Variants in MBD5 observed in about 807,000 individuals in gnomAD.
MBD5 encodes the protein methyl-CpG binding domain protein 5.
Under a neutral mutation model 117.3 loss-of-function variants are expected in MBD5, and 13 were observed. The ratio of observed to expected loss-of-function variants is 0.11; its 90% CI spans 0.07 to 0.18. The LOEUF is 0.18. Among genes scored for constraint, MBD5 ranks in the 10% least tolerant of loss-of-function variants. The probability of loss-of-function intolerance (pLI) is 1.00; values close to 1 mark genes in which losing one functional copy is unlikely to be tolerated. For missense variants in MBD5, 1,879 were observed against 2,093.8 expected (o/e 0.90, Z 2.00); for synonymous variants, 727 against 766.4 (o/e 0.95, Z 0.85).
rs1031964591 is a variant in MBD5, at chr2:148,065,097, C to T, written c.-925+43413C>T. Among the ~76,000 whole-genome samples, 4 of 152,064 alleles carry T rather than the reference C, an allele frequency of 2.6e-5. No individual in the cohort carries two copies. The East Asian group carries it at 7.7e-4, about 29-fold the overall frequency. On this transcript the variant is annotated intron_variant, in intron 1 of 13. Transcript: ENST00000642680. The stretch of plus-strand genomic sequence containing the variant: ...CCGGAGATAATAAATTTAGAATTAC[C>T]ACTTTCTAAAAGGAAGATTAGGGGT...
intron 4 of MBD5, among the ~76,000 whole-genome samples, chr2:148,446,539 C>T (rs529947538): frequency 2.1e-4 from 32 of 151,644 alleles, no homozygotes; most frequent in Admixed American, 4.6e-4. Flanking sequence ...GTGATGAGCC[C>T]GTGGGATCTA....
At chr2:148,294,713 C>T (rs1219231063) in intron 3 of MBD5, among the ~76,000 whole-genome samples, 2 of 151,830 alleles carry the variant, frequency 1.3e-5, no homozygotes, top group African/African-American at 4.8e-5. Context: ...ACTATGTTGC[C>T]CAAGCTGGTC....
intron 3 of MBD5, among the ~76,000 whole-genome samples, chr2:148,258,520 T>TC (rs1334861424): frequency 6.6e-6 from 1 of 151,848 alleles, no homozygotes; most frequent in South Asian, 2.1e-4. Flanking sequence ...TCGTCCAGTG[T>TC]CCCCCCAAAC....
chr2:148,043,127 T>C (rs756505036), intron 1 of MBD5, among the ~76,000 whole-genome samples: 1 of 152,030 alleles, frequency 6.6e-6, no homozygotes, highest in Non-Finnish European at 1.5e-5. Flanking sequence ...CCTAATCTTA[T>C]TGTATTAGAA....
intron 2 of MBD5, among the ~76,000 whole-genome samples, chr2:148,181,402 A>G (rs904221707): frequency 1.3e-5 from 2 of 152,198 alleles, no homozygotes; most frequent in African/African-American, 4.8e-5. Context: ...GGGTGACAGA[A>G]TATATGTTTA....
chr2:148,473,153 T>C lies in MBD5; in HGVS notation c.2518+2692T>C, dbSNP rs16828640. Among the ~76,000 whole-genome samples the C allele has an allele frequency of 3.3e-3, 499 of 152,320 alleles. 5 individuals carry two copies. The highest frequency in any genetic ancestry group is 9.4e-3 in the African/African-American group (389 of 41,584). ...CCACATTTGTTAACTATTGATATAC[T>C]TCAGATGAAAGTCAGTTATTTTTGC... On this transcript the variant is annotated intron_variant, in intron 8 of 13. Coordinates refer to ENST00000642680, the MANE Select transcript of MBD5 (RefSeq NM_001378120.1).
chr2:148,223,059 A>G (rs1350178857), intron 2 of MBD5, among the ~76,000 whole-genome samples: 3 of 152,098 alleles, frequency 2.0e-5, no homozygotes, highest in Non-Finnish European at 2.9e-5. Flanking sequence ...TTGATATGAT[A>G]CATCACATTG....
intron 1 of MBD5, among the ~76,000 whole-genome samples, chr2:148,167,303 T>C (rs1383819324): frequency 2.0e-5 from 3 of 152,188 alleles, no homozygotes; most frequent in Non-Finnish European, 4.4e-5. Flanking sequence ...ACTGATTCAT[T>C]AGTCTACCAT....
chr2:148,316,247 C>A (rs1702155302), intron 3 of MBD5, among the ~76,000 whole-genome samples: 1 of 152,122 alleles, frequency 6.6e-6, no homozygotes, highest in East Asian at 1.9e-4. Flanking sequence ...AATCACAACA[C>A]CTGCTTTTCC....
intron 4 of MBD5, among the ~76,000 whole-genome samples, chr2:148,444,796 C>T (rs1294063035): frequency 6.6e-6 from 1 of 150,796 alleles, no homozygotes; most frequent in Non-Finnish European, 1.5e-5. Context: ...CAGTGTTATG[C>T]CCACCTCCCC....
chr2:148,100,305 T>G (rs1351831072), intron 1 of MBD5, among the ~76,000 whole-genome samples: 1 of 152,174 alleles, frequency 6.6e-6, no homozygotes, highest in Non-Finnish European at 1.5e-5. Flanking sequence ...CCCCTTGGCT[T>G]CTCTAACTCA....
intron 4 of MBD5, among the ~76,000 whole-genome samples, chr2:148,436,666 T>G (rs1706166251): frequency 6.6e-6 from 1 of 151,904 alleles, no homozygotes; most frequent in Admixed American, 6.6e-5. Flanking sequence ...GCCACCACGC[T>G]TGGCCCTTGC....
intron 4 of MBD5, among the ~76,000 whole-genome samples, chr2:148,393,735 C>A (rs1704628322): frequency 6.6e-6 from 1 of 152,132 alleles, no homozygotes; most frequent in Non-Finnish European, 1.5e-5. Flanking sequence ...ATTTGAGTTT[C>A]TAGTTTACCA....
intron 1 of MBD5, among the ~76,000 whole-genome samples, chr2:148,056,570 T>A (rs1031530049): frequency 6.6e-6 from 1 of 152,076 alleles, no homozygotes; most frequent in Non-Finnish European, 1.5e-5. Flanking sequence ...AACTGTATAG[T>A]TTTTTCTCTT....
chr2:148,322,810 G>A (rs983410722), intron 3 of MBD5, among the ~76,000 whole-genome samples: 4 of 151,960 alleles, frequency 2.6e-5, no homozygotes, highest in African/African-American at 7.2e-5. Flanking sequence ...AAAACCTGAT[G>A]AAGTAGATGC....
intron 4 of MBD5, among the ~76,000 whole-genome samples, chr2:148,397,066 A>T (rs749024636): frequency 3.3e-5 from 5 of 152,110 alleles, no homozygotes; most frequent in Non-Finnish European, 5.9e-5. Flanking sequence ...AGACTTGCTG[A>T]TTTCAGATCC....
At chr2:148,389,191 GT>G (rs1464993681) in intron 4 of MBD5, among the ~76,000 whole-genome samples, 11 of 18,294 alleles carry the variant, frequency 6.0e-4, no homozygotes, top group East Asian at 5.4e-3. Context: ...TCCGTGGTGT[GT>G]GTGTGTGTGT....
chr2:148,406,650 T>G (rs2105136787), intron 4 of MBD5, among the ~76,000 whole-genome samples: 1 of 152,312 alleles, frequency 6.6e-6, no homozygotes, highest in Non-Finnish European at 1.5e-5. Context: ...TCACCTATTT[T>G]TCCAACCCCA....
chr2:148,134,416 A>G (rs916807405), intron 1 of MBD5, among the ~76,000 whole-genome samples: 6 of 152,196 alleles, frequency 3.9e-5, no homozygotes, highest in African/African-American at 1.4e-4. Context: ...GAAATTTTCA[A>G]TATTAAAGTG....
Sources: gnomAD v4.1 joint callset for allele counts (sites outside exome capture counted in the v4.1 genomes callset) on GRCh38, gnomAD v4.1.1 for gene constraint, MANE v1.5 for transcripts, NCBI Gene and HGNC (gene_info 2026-07-23, HGNC 2026-07-21) for gene names.